The following FBLN1 variants were observed in gnomAD, a reference collection of about 807,000 sequenced individuals.
The protein encoded by FBLN1 is fibulin 1, also known as fibulin-1.
In FBLN1, 34 loss-of-function variants were observed where a neutral mutation model predicts 89.7. The observed-to-expected ratio is 0.38, with a 90% CI of 0.29 to 0.50. The LOEUF (loss-of-function observed/expected upper bound fraction) is 0.50. Among genes scored for constraint, FBLN1 ranks in the 20% least tolerant of loss-of-function variants. The pLI is 0.92. For missense variants in FBLN1, 777 were observed against 988.1 expected, an observed-to-expected ratio of 0.79 and a Z score of 2.86; for synonymous variants, 393 against 391.3, an observed-to-expected ratio of 1.00 and a Z score of -0.05.
At chr22:45,559,359 C>A (rs562856125) in intron 14 of FBLN1, among the ~76,000 whole-genome samples, 16 of 152,340 alleles carry the variant, frequency 1.1e-4, no homozygotes, top group African/African-American at 3.1e-4. Flanking sequence ...GTGGGAATCA[C>A]CACCCCGCGT....
intron 14 of FBLN1, among the ~76,000 whole-genome samples, chr22:45,569,494 C>T (rs1326995337): frequency 6.6e-6 from 1 of 152,144 alleles, no homozygotes; most frequent in African/African-American, 2.4e-5. Context: ...CAAAAATTAG[C>T]CGGGTGTGGT....
Position 45,576,993 on chromosome 22 carries a change from G to T in FBLN1, c.1857G>T (p.Arg619=). ...FTRPEEIIFL[R]AITPPHPASQ... is the part of the protein sequence containing the mutation. ...CCTCTGCAGAGATCATCTTCCTCCGGGCCATCACGCCACCGCATCCTGCCA... is the reference window on the plus strand; with the variant it reads ...CCTCTGCAGAGATCATCTTCCTCCGTGCCATCACGCCACCGCATCCTGCCA... The change falls in exon 16 of 17, where the codon CGG becomes CGT. Residue 619 remains arginine (R), a synonymous_variant. Coordinates refer to ENST00000327858, the MANE Select transcript of FBLN1 (RefSeq NM_006486.3). The surrounding 1 kb of genome is among the most constrained non-coding windows in gnomAD (Gnocchi z 5.2). 1.2e-6 allele frequency: 2 copies of T among 1,613,972 alleles called. No individual in the cohort carries two copies. Among genetic ancestry groups the T allele is most frequent in the Non-Finnish European group, 1.7e-6 (2 of 1,180,028 alleles).
chr22:45,537,416 C>G lies in FBLN1; in HGVS notation c.922+2079C>G, dbSNP rs572442320. On this transcript the variant is annotated intron_variant, in intron 8 of 16. Coordinates refer to ENST00000327858, the MANE Select transcript of FBLN1 (RefSeq NM_006486.3). This position sits in a 1 kb window ranked among gnomAD's most constrained non-coding sequence, Gnocchi z 5.7. Reference sequence around the variant, plus strand: ...GGTGGATCACTTGAGGTCAGGAGTTCGAGACCAGCCTGACCAATATGGTGA... The same window carrying G: ...GGTGGATCACTTGAGGTCAGGAGTTGGAGACCAGCCTGACCAATATGGTGA... Among the ~76,000 whole-genome samples the G allele has an allele frequency of 6.6e-6, 1 of 151,926 alleles. No homozygotes were observed. The highest frequency in any genetic ancestry group is 1.9e-4 in the East Asian group (1 of 5,184).
In FBLN1 at chr22:45,531,047, C is replaced by T. The variant is rs562730248; in HGVS notation, c.485-218C>T. Among the ~76,000 whole-genome samples the T allele has an allele frequency of 2.6e-4, 40 of 152,132 alleles. No individual in the cohort carries two copies. Among genetic ancestry groups the T allele is most frequent in the African/African-American group, 8.2e-4 (34 of 41,518 alleles). ...CCAAAGTGCTGGGATTACAGGTGCCCGCCACCACGCCTGGCCTATAATTGA... is the reference window on the plus strand; with the variant it reads ...CCAAAGTGCTGGGATTACAGGTGCCTGCCACCACGCCTGGCCTATAATTGA... On this transcript the variant is annotated intron_variant, in intron 4 of 16. Transcript: ENST00000327858. The surrounding 1 kb of genome is among the most constrained non-coding windows in gnomAD (Gnocchi z 4.9).
rs1043003990 is a variant in FBLN1 at position 45,545,259 on chromosome 22, C to T, written c.1321+1733C>T. ...ACCTGACTTCTGCCATTTCCATGGC[C>T]TTGAAGAAGTAACTCAGTCTTTCCT... On this transcript the variant is annotated intron_variant, in intron 11 of 16. Coordinates refer to ENST00000327858, the MANE Select transcript of FBLN1 (RefSeq NM_006486.3). This position sits in a 1 kb window ranked among gnomAD's most constrained non-coding sequence, Gnocchi z 5.9. 1.3e-5 allele frequency among the ~76,000 whole-genome samples: 2 copies of T among 152,120 alleles called. No individual in the cohort carries two copies. The highest frequency in any genetic ancestry group is 4.8e-5 in the African/African-American group (2 of 41,416).
intron 16 of FBLN1, among the ~76,000 whole-genome samples, chr22:45,584,855 G>A (rs1046334776): frequency 2.0e-5 from 3 of 152,208 alleles, no homozygotes; most frequent in South Asian, 2.1e-4. Flanking sequence ...TGGTGAGGCC[G>A]GCCTGGCCGG....
rs2089000655 is a variant in FBLN1, at chr22:45,576,759, A to G, written c.1841-218A>G. Among the ~76,000 whole-genome samples the G allele has an allele frequency of 6.6e-6, 1 of 152,176 alleles. No homozygotes were observed. Among genetic ancestry groups the G allele is most frequent in the African/African-American group, 2.4e-5 (1 of 41,432 alleles). On this transcript the variant is annotated intron_variant, in intron 15 of 16. Coordinates refer to ENST00000327858, the MANE Select transcript of FBLN1 (RefSeq NM_006486.3). This position sits in a 1 kb window ranked among gnomAD's most constrained non-coding sequence, Gnocchi z 5.2. ...AAGATCCAAAATCTCTCCTGACTTC[A>G]GTTTCCCCTGCTATAAAACAGGGAT...
At chr22:45,516,749 C>G (rs563209112) in intron 1 of FBLN1, among the ~76,000 whole-genome samples, 1 of 152,368 alleles carries the variant, frequency 6.6e-6, no homozygotes, top group Non-Finnish European at 1.5e-5. Flanking sequence ...CTCCTCCTGC[C>G]AGCCTCGGGG....
chr22:45,563,899 C>T lies in FBLN1; in HGVS notation c.1698-10612C>T, dbSNP rs1030708865. Among the ~76,000 whole-genome samples the T allele has an allele frequency of 1.3e-5, 2 of 152,216 alleles. No individual in the cohort carries two copies. The highest frequency in any genetic ancestry group is 2.4e-5 in the African/African-American group (1 of 41,464). On this transcript the variant is annotated intron_variant, in intron 14 of 16. Coordinates refer to ENST00000327858, the MANE Select transcript of FBLN1 (RefSeq NM_006486.3). This position sits in a 1 kb window ranked among gnomAD's most constrained non-coding sequence, Gnocchi z 5.7. Reference sequence around the variant, plus strand: ...ATCTGTGGTGCAGAAACACGGGATGCGGTTGCGGCTCCTAGGATGCAGCTC... The same window carrying T: ...ATCTGTGGTGCAGAAACACGGGATGTGGTTGCGGCTCCTAGGATGCAGCTC...
At chr22:45,535,938 T>C (rs1489159141) in intron 8 of FBLN1, among the ~76,000 whole-genome samples, 2 of 152,234 alleles carry the variant, frequency 1.3e-5, no homozygotes, top group African/African-American at 2.4e-5. Flanking sequence ...ATCCTAGCAC[T>C]TTGGGAGGCC....
chr22:45,591,380 G>T (rs1287228663), intron 16 of FBLN1, among the ~76,000 whole-genome samples: 2 of 151,826 alleles, frequency 1.3e-5, no homozygotes, highest in Non-Finnish European at 2.9e-5. Context: ...GTCCAAAGCT[G>T]ACATTTCCCT....
chr22:45,505,430 T>C (rs1376146786), intron 1 of FBLN1, among the ~76,000 whole-genome samples: 1 of 152,224 alleles, frequency 6.6e-6, no homozygotes, highest in Non-Finnish European at 1.5e-5. Context: ...CTCTGTGCCA[T>C]GGGGGTCAGG....
At chr22:45,523,474 G>A (rs541529583) in intron 2 of FBLN1, among the ~76,000 whole-genome samples, 2 of 152,178 alleles carry the variant, frequency 1.3e-5, no homozygotes, top group Non-Finnish European at 2.9e-5. Flanking sequence ...AGGCTGAGGC[G>A]GGCAGATCAC....
chr22:45,572,847 A>T lies in FBLN1; in HGVS notation c.1698-1664A>T, dbSNP rs62225039. Among the ~76,000 whole-genome samples the T allele has an allele frequency of 6.0e-3, 919 of 152,368 alleles. 4 individuals carry two copies. Among genetic ancestry groups the T allele is most frequent in the Middle Eastern group, 0.027 (8 of 294 alleles). On this transcript the variant is annotated intron_variant, in intron 14 of 16. Transcript: ENST00000327858. This position sits in a 1 kb window ranked among gnomAD's most constrained non-coding sequence, Gnocchi z 5.8. Reference sequence around the variant, plus strand: ...TGGACAGAGGACCATGCTGAACTGCACCGTGAGGATGCAATCAGCAAAGTC... The same window carrying T: ...TGGACAGAGGACCATGCTGAACTGCTCCGTGAGGATGCAATCAGCAAAGTC...
intron 12 of FBLN1, 43 bp from the exon 13 acceptor site, chr22:45,548,570 A>T: frequency 6.2e-7 from 1 of 1,612,124 alleles, no homozygotes; most frequent in Non-Finnish European, 8.5e-7. Context: ...AGCCATGGCC[A>T]GGTGCCAGGA....
Position 45,543,659 on chromosome 22 carries a change from C to T in FBLN1, c.1321+133C>T, listed in dbSNP as rs1433123567. The T allele has an allele frequency of 1.6e-5, 20 of 1,241,650 alleles. No individual in the cohort carries two copies. The South Asian group carries it at 1.9e-4, about 12-fold the overall frequency. The allele number at this position is 1,241,650 out of a possible 1,614,324, so 76.9% of individuals were successfully genotyped here. A position where few individuals can be genotyped will look rare whatever the true frequency, so the allele number is the denominator to read the frequency against. ...AATGACATGTTAGCAGGGGAAGTGC[C>T]TGTAAAATATTGTTCATCAGAGAGG... On this transcript the variant is annotated intron_variant, in intron 11 of 16. Transcript: ENST00000327858.
rs2088494967 is a variant in FBLN1, at chr22:45,537,311, T to C, written c.922+1974T>C. 6.6e-6 allele frequency among the ~76,000 whole-genome samples: 1 copy of C among 152,162 alleles called. No individual in the cohort carries two copies. Among genetic ancestry groups the C allele is most frequent in the Non-Finnish European group, 1.5e-5 (1 of 68,020 alleles). ...CCCCCACTGCATTATTTTTAACCAC[T>C]GAGATATTTAAAGATAAGTGGATGT... On this transcript the variant is annotated intron_variant, in intron 8 of 16. Coordinates refer to ENST00000327858, the MANE Select transcript of FBLN1 (RefSeq NM_006486.3). This position sits in a 1 kb window ranked among gnomAD's most constrained non-coding sequence, Gnocchi z 5.7.
chr22:45,518,313 T>C (rs1284357353), intron 1 of FBLN1, among the ~76,000 whole-genome samples: 1 of 152,084 alleles, frequency 6.6e-6, no homozygotes, highest in Non-Finnish European at 1.5e-5. Flanking sequence ...AGGGGCTGTC[T>C]TTCTTGCCTA....
At position 45,568,558 on chromosome 22, in the gene FBLN1, GCATGCTCCTTCTGTAGGA is replaced by G. The variant is rs1370203582; in HGVS notation, c.1698-5952_1698-5935del. Among the ~76,000 whole-genome samples, 3 of 147,306 alleles carry G rather than the reference GCATGCTCCTTCTGTAGGA, an allele frequency of 2.0e-5. 1 individual carries two copies. The highest frequency in any genetic ancestry group is 4.0e-4 in the East Asian group (2 of 5,052). On this transcript the variant is annotated intron_variant, in intron 14 of 16. Transcript: ENST00000327858. ...TGTAGGGGAATGCTCCTTCTGTAGG[GCATGCTCCTTCTGTAGGA>G]GAATGCTCCTGTAGGGGAATGCTCC...
Sources: gnomAD v4.1 joint callset for allele counts (sites outside exome capture counted in the v4.1 genomes callset) on GRCh38, gnomAD v4.1.1 for gene constraint, Gnocchi (gnomAD v3.1) non-coding constraint, MANE v1.5 for transcripts, NCBI Gene and HGNC (gene_info 2026-07-23, HGNC 2026-07-21) for gene names.